The following TMEM126B variants were observed in gnomAD, a reference collection of about 807,000 sequenced individuals.
TMEM126B encodes transmembrane protein 126B.
A neutral mutation model predicts 16.5 loss-of-function variants in TMEM126B; 19 were observed. The ratio of observed to expected loss-of-function variants is 1.15; its 90% CI spans 0.80 to 1.69. The LOEUF (loss-of-function observed/expected upper bound fraction) is 1.69. Ranked by LOEUF, TMEM126B falls within the 40% of genes most tolerant of loss-of-function variation. The probability of loss-of-function intolerance (pLI) is 0.00; values close to 1 mark genes in which losing one functional copy is unlikely to be tolerated. For synonymous variants in TMEM126B, 104 were observed against 93.2 expected (o/e 1.12, Z -0.67); for missense variants, 293 against 278.7 (o/e 1.05, Z -0.37).
chr11:85,634,360 T>A (rs1234019287), intron 3 of TMEM126B, 81 bp downstream of exon 3: 1 of 995,684 alleles, frequency 1.0e-6, no homozygotes, highest in African/African-American at 1.7e-5. Flanking sequence ...CTACTGCTAA[T>A]AATAATTCTT....
intron 3 of TMEM126B, among the ~76,000 whole-genome samples, chr11:85,635,309 G>A (rs1036689190): frequency 6.6e-6 from 1 of 152,166 alleles, no homozygotes; most frequent in African/African-American, 2.4e-5. Flanking sequence ...CTACTTGGGA[G>A]GCTGAGGCAT....
chr11:85,629,929 A>C (rs916957797), intron 1 of TMEM126B, among the ~76,000 whole-genome samples: 1 of 152,210 alleles, frequency 6.6e-6, no homozygotes, highest in Admixed American at 6.5e-5. Flanking sequence ...CATTTCTGCC[A>C]TGATGCAGAG....
In TMEM126B at chr11:85,634,146, C is replaced by G. The variant is rs759384365; in HGVS notation, c.264C>G (p.Phe88Leu). The G allele has an allele frequency of 2.5e-6, 4 of 1,613,752 alleles. No individual in the cohort carries two copies. The African/African-American group carries it at 4.0e-5, about 16-fold the overall frequency. Residue 88 changes from phenylalanine to leucine, a missense_variant, in exon 3 of 5, where the codon TTC becomes TTG. Transcript: ENST00000358867. ...FGTTAGFSGI[F>L]SNFLFRRCFK... Reference sequence around the variant, plus strand: ...CAACAGCTGGTTTCTCTGGAATATTCTCAAACTTCCTGTTCAGACGCTGCT... The same window carrying G: ...CAACAGCTGGTTTCTCTGGAATATTGTCAAACTTCCTGTTCAGACGCTGCT...
chr11:85,635,098 G>A (rs1189374260), intron 3 of TMEM126B: 2 of 152,220 alleles, frequency 1.3e-5, no homozygotes, highest in African/African-American at 4.8e-5. Flanking sequence ...TAGAATCCAG[G>A]TCTGGTTTGC....
At chr11:85,635,101 T>C (rs2153309004) in intron 3 of TMEM126B, 1 of 152,432 alleles carries the variant, frequency 6.6e-6, no homozygotes, top group Non-Finnish European at 1.5e-5. Flanking sequence ...AATCCAGGTC[T>C]GGTTTGCTAG....
chr11:85,630,622 TTTG>T (rs894380226), intron 1 of TMEM126B, among the ~76,000 whole-genome samples: 3 of 152,176 alleles, frequency 2.0e-5, no homozygotes, highest in African/African-American at 7.2e-5. Context: ...GGTTTGTTTT[TTTG>T]TTGTTGTTGT....
intron 3 of TMEM126B, 73 bp downstream of exon 3, chr11:85,634,352 ACTG>A (rs1565793066): frequency 9.5e-7 from 1 of 1,048,098 alleles, no homozygotes; most frequent in South Asian, 1.5e-5. Context: ...TACTGTTGCT[ACTG>A]CTAATAATAA....
At chr11:85,635,386 T>A (rs527493420) in intron 3 of TMEM126B, among the ~76,000 whole-genome samples, 36 of 152,328 alleles carry the variant, frequency 2.4e-4, no homozygotes, top group African/African-American at 8.7e-4. Context: ...TACTCTAGCC[T>A]GGGCAACAGA....
Position 85,634,204 on chromosome 11 carries a change from G to A in TMEM126B, c.322G>A (p.Ala108Thr), listed in dbSNP as rs2082357288. ...KVKHDALKTY[A>T]SLATLPFLST... is the part of the protein sequence containing the mutation. ...TAAACATGATGCTTTGAAGACATAT[G>A]CATCATTGGCTACACTTCCATTTTT... The change falls in exon 3 of 5, where the codon GCA becomes ACA. Residue 108 changes from alanine to threonine, a missense_variant. Ala to Thr is a moderately conservative substitution (Grantham distance 58). Transcript: ENST00000358867. 2 of 1,613,774 alleles carry A rather than the reference G, an allele frequency of 1.2e-6. No individual in the cohort carries two copies. The highest frequency in any genetic ancestry group is 1.7e-5 in the Admixed American group (1 of 60,016).
At chr11:85,631,532 T>C (rs2082296218) in intron 1 of TMEM126B, among the ~76,000 whole-genome samples, 155 bp from the exon 2 acceptor site, 8 of 152,222 alleles carry the variant, frequency 5.3e-5, no homozygotes, top group Admixed American at 5.2e-4. Context: ...TAAATGTTGA[T>C]TGAATTACTA....
chr11:85,629,256 T>C (rs1181204226), intron 1 of TMEM126B: 6 of 1,288,606 alleles, frequency 4.7e-6, no homozygotes, highest in Non-Finnish European at 1.0e-6. Flanking sequence ...TGAATAAAAT[T>C]CTAAAGGTGA....
chr11:85,631,881 T>C, intron 2 of TMEM126B, 73 bp downstream of exon 2: 1 of 1,440,398 alleles, frequency 6.9e-7, no homozygotes, highest in Non-Finnish European at 9.2e-7. Flanking sequence ...GTTTCTAAGA[T>C]CCTATTCTTT....
Position 85,636,313 on chromosome 11 carries a change from CTG to C in TMEM126B, c.*87_*88del, listed in dbSNP as rs546135465. 2.4e-4 allele frequency: 239 copies of C among 1,001,940 alleles called. 1 individual carries two copies. In the African/African-American group the frequency reaches 3.2e-3, roughly 14 times the overall value. The allele number at this position is 1,001,940 out of a possible 1,614,324, so 62.1% of individuals were successfully genotyped here. On this transcript the variant is annotated 3_prime_UTR_variant, in exon 5 of 5. Transcript: ENST00000358867. Reference sequence around the variant, plus strand: ...GCATTGCTGAAAGAGTTAAAAGTAACTGTGAACAAATAATTTGTTCTGTGCCT... The same window carrying C: ...GCATTGCTGAAAGAGTTAAAAGTAACTGAACAAATAATTTGTTCTGTGCCT...
chr11:85,631,082 T>G (rs1343549689), intron 1 of TMEM126B: 2 of 1,219,344 alleles, frequency 1.6e-6, no homozygotes, highest in African/African-American at 3.3e-5. Flanking sequence ...GCAGTGTCCC[T>G]CTTTCTGATT....
Position 85,628,887 on chromosome 11 carries a change from A to G in TMEM126B, c.81+199A>G, listed in dbSNP as rs559990652. Reference sequence around the variant, plus strand: ...GTAGATGACCTAAATTCTAGTCCTCATTATCTGCAGTTTGTTTTCTCTTGT... The same window carrying G: ...GTAGATGACCTAAATTCTAGTCCTCGTTATCTGCAGTTTGTTTTCTCTTGT... On this transcript the variant is annotated intron_variant, in intron 1 of 4. Coordinates refer to ENST00000358867, the MANE Select transcript of TMEM126B (RefSeq NM_018480.7). Among the ~76,000 whole-genome samples the G allele has an allele frequency of 2.0e-5, 3 of 152,316 alleles. No homozygotes were observed. In the South Asian group the frequency reaches 6.2e-4, roughly 32 times the overall value.
chr11:85,632,928 A>G (rs996223682), intron 2 of TMEM126B, among the ~76,000 whole-genome samples: 3 of 152,042 alleles, frequency 2.0e-5, no homozygotes, highest in Admixed American at 6.5e-5. Context: ...CATTAGGTAG[A>G]TCTCCTAAAG....
chr11:85,633,429 A>C (rs557153853), intron 2 of TMEM126B, among the ~76,000 whole-genome samples: 1 of 152,320 alleles, frequency 6.6e-6, no homozygotes, highest in East Asian at 1.9e-4. Flanking sequence ...ACAGTGTAAA[A>C]GTGTTCCTAT....
In TMEM126B at chr11:85,634,120, A is replaced by T. The variant is rs1671724408; in HGVS notation, c.238A>T (p.Thr80Ser). The change falls in exon 3 of 5, where the codon ACA becomes TCA. Residue 80 changes from threonine to serine, a missense_variant. Coordinates refer to ENST00000358867, the MANE Select transcript of TMEM126B (RefSeq NM_018480.7). Reference protein sequence around the residue: ...QNIYQMATFGTTAGFSGIFSN... With the variant: ...QNIYQMATFGSTAGFSGIFSN... Reference sequence around the variant, plus strand: ...TATATATCAAATGGCGACATTTGGAACAACAGCTGGTTTCTCTGGAATATT... The same window carrying T: ...TATATATCAAATGGCGACATTTGGATCAACAGCTGGTTTCTCTGGAATATT... The T allele has an allele frequency of 6.2e-7, 1 of 1,613,434 alleles. No individual in the cohort carries two copies. Among genetic ancestry groups the T allele is most frequent in the Non-Finnish European group, 8.5e-7 (1 of 1,179,850 alleles).
At chr11:85,629,325 C>A in intron 1 of TMEM126B, 1 of 1,045,066 alleles carries the variant, frequency 9.6e-7, no homozygotes, top group Non-Finnish European at 1.3e-6. Context: ...GAAAGCACTA[C>A]AAAACCGTTA....
Sources: allele counts gnomAD v4.1 joint callset (sites outside exome capture counted in the v4.1 genomes callset), GRCh38; gene constraint gnomAD v4.1.1; transcripts MANE v1.5; gene names NCBI Gene and HGNC (gene_info 2026-07-23, HGNC 2026-07-21).